Variants in CNNM4 observed in about 807,000 individuals in gnomAD.
CNNM4 encodes the protein cyclin and CBS domain divalent metal cation transport mediator 4.
CNNM4 carries 32 observed loss-of-function variants against 53.7 expected under a neutral mutation model. The observed-to-expected ratio is 0.60, with a 90% CI of 0.45 to 0.80. The LOEUF (loss-of-function observed/expected upper bound fraction) is 0.80. CNNM4 is among the 30% of genes least tolerant of loss of function. The pLI is 0.00. For synonymous variants in CNNM4, 410 were observed against 440.0 expected (o/e 0.93, Z 0.85); for missense variants, 784 against 1,022.0 (o/e 0.77, Z 3.17).
chr2:96,775,270 G>A (rs76931158), intron 1 of CNNM4, among the ~76,000 whole-genome samples: 1 of 151,932 alleles, frequency 6.6e-6, no homozygotes, highest in South Asian at 2.1e-4. Flanking sequence ...AGTCATTGTG[G>A]GTCAAAGTTT....
At chr2:96,774,960 C>CAAAAAAAAAAAAAAAAA in intron 1 of CNNM4, among the ~76,000 whole-genome samples, 1 of 17,668 alleles carries the variant, frequency 5.7e-5, no homozygotes, top group Non-Finnish European at 1.2e-4. Context: ...GACTCCATCT[C>CAAAAAAAAAAAAAAAAA]AAAAAAAAAA....
In CNNM4 at chr2:96,800,821, C is replaced by A. The variant is rs1463176699; in HGVS notation, c.1948+1173C>A. Among the ~76,000 whole-genome samples the A allele has an allele frequency of 6.6e-6, 1 of 152,258 alleles. No individual in the cohort carries two copies. Among genetic ancestry groups the A allele is most frequent in the African/African-American group, 2.4e-5 (1 of 41,476 alleles). ...CTCTGTCCGTTGACCCATAGTCTCT[C>A]TGTTCCCACTTGGTGTGGCCAGAAG... On this transcript the variant is annotated intron_variant, in intron 5 of 6. Transcript: ENST00000377075. This position sits in a 1 kb window ranked among gnomAD's most constrained non-coding sequence, Gnocchi z 4.6.
intron 1 of CNNM4, among the ~76,000 whole-genome samples, chr2:96,784,040 C>T (rs1407224671): frequency 6.6e-6 from 1 of 152,170 alleles, no homozygotes; most frequent in Non-Finnish European, 1.5e-5. Context: ...TCTTAGTTTT[C>T]TTCCTTCCAC....
At chr2:96,782,205 C>G (rs2078981034) in intron 1 of CNNM4, among the ~76,000 whole-genome samples, 1 of 152,036 alleles carries the variant, frequency 6.6e-6, no homozygotes, top group Non-Finnish European at 1.5e-5. Flanking sequence ...CTTTGGGAGG[C>G]TGAGACGAAT....
In CNNM4 at chr2:96,801,335, G is replaced by C. The variant is rs1025582454; in HGVS notation, c.1948+1687G>C. 3.3e-5 allele frequency among the ~76,000 whole-genome samples: 5 copies of C among 152,204 alleles called. No homozygotes were observed. The highest frequency in any genetic ancestry group is 5.9e-5 in the Non-Finnish European group (4 of 68,008). ...TAGAAGGGGCCCCCAAAGATCTCTT[G>C]GTGCTTGAGATCACACACTCATAGA... On this transcript the variant is annotated intron_variant, in intron 5 of 6. Coordinates refer to ENST00000377075, the MANE Select transcript of CNNM4 (RefSeq NM_020184.4). This position sits in a 1 kb window ranked among gnomAD's most constrained non-coding sequence, Gnocchi z 5.6.
At chr2:96,786,888 C>T (rs2079021141) in intron 1 of CNNM4, among the ~76,000 whole-genome samples, 1 of 151,814 alleles carries the variant, frequency 6.6e-6, no homozygotes. Flanking sequence ...ATTGCTTCTC[C>T]CCCAATATGA....
chr2:96,784,955 G>A (rs779639913), intron 1 of CNNM4, among the ~76,000 whole-genome samples: 1 of 152,180 alleles, frequency 6.6e-6, no homozygotes, highest in Non-Finnish European at 1.5e-5. Flanking sequence ...TTGGCTCACT[G>A]CAACCTCTGC....
In CNNM4 at chr2:96,779,737, A is replaced by C. The variant is rs191342986; in HGVS notation, c.1403-17275A>C. Among the ~76,000 whole-genome samples, 4 of 151,890 alleles carry C rather than the reference A, an allele frequency of 2.6e-5. No homozygotes were observed. In the East Asian group the frequency reaches 7.7e-4, roughly 29 times the overall value. ...TTTGTTCTTCAAGATTGTCTTAGCT[A>C]TTCTTAGCTTTTTACCTGGGAATTT... On this transcript the variant is annotated intron_variant, in intron 1 of 6. Coordinates refer to ENST00000377075, the MANE Select transcript of CNNM4 (RefSeq NM_020184.4).
intron 1 of CNNM4, among the ~76,000 whole-genome samples, chr2:96,796,635 C>T (rs1162192425): frequency 6.6e-6 from 1 of 152,052 alleles, no homozygotes; most frequent in East Asian, 1.9e-4. Context: ...GTGGAGCACA[C>T]CTGTGGTCTC....
At chr2:96,785,237 C>CT (rs143072300) in intron 1 of CNNM4, among the ~76,000 whole-genome samples, 6 of 151,410 alleles carry the variant, frequency 4.0e-5, no homozygotes, top group East Asian at 1.9e-4. Context: ...ATTTTAAAAC[C>CT]TTTTTTTTTC....
rs1200627793 is a variant in CNNM4 at position 96,809,520 on chromosome 2, G to C, written c.*3G>C. ...CCTCCCACGAGAATGCCATCTGACA[G>C]GAGGGCCCGGGGCCCCCTGCCCACC... On this transcript the variant is annotated 3_prime_UTR_variant, in exon 7 of 7. Coordinates refer to ENST00000377075, the MANE Select transcript of CNNM4 (RefSeq NM_020184.4). The C allele has an allele frequency of 2.5e-6, 4 of 1,613,990 alleles. No individual in the cohort carries two copies. In the African/African-American group the frequency reaches 5.3e-5, roughly 22 times the overall value.
intron 1 of CNNM4, among the ~76,000 whole-genome samples, chr2:96,772,729 G>GCA (rs367885553): frequency 1.1e-3 from 73 of 63,526 alleles, no homozygotes; most frequent in South Asian, 1.6e-3. Flanking sequence ...ACACATGCGT[G>GCA]CACACACACA....
chr2:96,793,891 G>T (rs879794740), intron 1 of CNNM4, among the ~76,000 whole-genome samples: 3 of 152,138 alleles, frequency 2.0e-5, no homozygotes, highest in Admixed American at 6.5e-5. Flanking sequence ...GGAGGTGAAG[G>T]TTGCAGTGAG....
rs138520397 is a variant in CNNM4 at position 96,761,324 on chromosome 2, C to T, written c.325C>T (p.Leu109Phe). The change falls in exon 1 of 7, where the codon CTC becomes TTC. Residue 109 changes from leucine (L) to phenylalanine (F), a missense_variant. By Grantham distance (22) the Leu-to-Phe change is conservative (BLOSUM62 0). Around this residue, in one of 3 missense-constraint regions of CNNM4, gnomAD observed 473 missense variants for 624.6 expected, o/e 0.76. Coordinates refer to ENST00000377075, the MANE Select transcript of CNNM4 (RefSeq NM_020184.4). This position sits in a 1 kb window ranked among gnomAD's most constrained non-coding sequence, Gnocchi z 6.0. ...AETLHKSTSC[L>F]ELTKDLVVQQ... Reference sequence around the variant, plus strand: ...GACCCTCCACAAGTCCACCAGCTGCCTCGAGCTCACCAAGGACCTGGTCGT... The same window carrying T: ...GACCCTCCACAAGTCCACCAGCTGCTTCGAGCTCACCAAGGACCTGGTCGT... 2.4e-5 allele frequency: 38 copies of T among 1,614,086 alleles called. No individual in the cohort carries two copies. The highest frequency in any genetic ancestry group is 1.3e-4 in the African/African-American group (10 of 75,074).
At chr2:96,779,965 G>T (rs1179576064) in intron 1 of CNNM4, among the ~76,000 whole-genome samples, 1 of 152,016 alleles carries the variant, frequency 6.6e-6, no homozygotes, top group Non-Finnish European at 1.5e-5. Context: ...ACCACACCCA[G>T]CTAATTTTTG....
Position 96,761,737 on chromosome 2 carries a change from G to A in CNNM4, c.738G>A (p.Leu246=), listed in dbSNP as rs1199250960. The change falls in exon 1 of 7, where the codon TTG becomes TTA. Residue 246 remains leucine, a synonymous_variant. Coordinates refer to ENST00000377075, the MANE Select transcript of CNNM4 (RefSeq NM_020184.4). The surrounding 1 kb of genome is among the most constrained non-coding windows in gnomAD (Gnocchi z 6.0). ...RRKGNYLLCS[L]LLGNVLVNTS... ...AGGGCAACTACCTTCTCTGCTCGTTGCTCCTAGGGAACGTGCTGGTCAACA... is the reference window on the plus strand; with the variant it reads ...AGGGCAACTACCTTCTCTGCTCGTTACTCCTAGGGAACGTGCTGGTCAACA... 2.5e-6 allele frequency: 4 copies of A among 1,610,052 alleles called. No homozygotes were observed. The highest frequency in any genetic ancestry group is 3.4e-6 in the Non-Finnish European group (4 of 1,179,984).
intron 1 of CNNM4, among the ~76,000 whole-genome samples, chr2:96,793,690 G>A (rs2079080697): frequency 6.6e-6 from 1 of 152,220 alleles, no homozygotes; most frequent in Admixed American, 6.5e-5. Flanking sequence ...CAGGCCGGGC[G>A]CGGTGGCTGA....
rs369862845 is a variant in CNNM4 at position 96,761,241 on chromosome 2, A to G, written c.242A>G (p.Tyr81Cys). 18 of 1,614,012 alleles carry G rather than the reference A, an allele frequency of 1.1e-5. No homozygotes were observed. In the African/African-American group the frequency reaches 2.0e-4, roughly 18 times the overall value. The change falls in exon 1 of 7, where the codon TAC (tyrosine) becomes TGC (cysteine). Residue 81 changes from tyrosine to cysteine, a missense_variant. Physicochemically the swap from Tyr to Cys is radical, Grantham distance 194. Around this residue, in one of 3 missense-constraint regions of CNNM4, gnomAD observed 473 missense variants for 624.6 expected, o/e 0.76. Coordinates refer to ENST00000377075, the MANE Select transcript of CNNM4 (RefSeq NM_020184.4). This position sits in a 1 kb window ranked among gnomAD's most constrained non-coding sequence, Gnocchi z 6.0. ...GSTVNLRLYGYSLGNISSNLI... is the reference protein window; with the variant it reads ...GSTVNLRLYGCSLGNISSNLI... ...ACCGTGAACCTGAGGCTGTACGGCT[A>G]CAGCCTGGGCAACATCTCCAGCAAC...
rs371531802 is a variant in CNNM4, at chr2:96,770,430, G to T, written c.1402+8029G>T. Among the ~76,000 whole-genome samples the T allele has an allele frequency of 1.6e-4, 25 of 152,314 alleles. 2 individuals are homozygous for T. The highest frequency in any genetic ancestry group is 6.5e-4 in the Admixed American group (10 of 15,290). Reference sequence around the variant, plus strand: ...TGGGAAGGGGAGGCCTGTCTCGTAAGTAAAAGTCTGGGAAGACATTTCAGC... The same window carrying T: ...TGGGAAGGGGAGGCCTGTCTCGTAATTAAAAGTCTGGGAAGACATTTCAGC... On this transcript the variant is annotated intron_variant, in intron 1 of 6. Coordinates refer to ENST00000377075, the MANE Select transcript of CNNM4 (RefSeq NM_020184.4).
Sources: gnomAD v4.1 joint callset for allele counts (sites outside exome capture counted in the v4.1 genomes callset) on GRCh38, gnomAD v4.1.1 for gene constraint, gnomAD v4.1.1 regional missense constraint, Gnocchi (gnomAD v3.1) non-coding constraint, MANE v1.5 for transcripts, NCBI Gene and HGNC (gene_info 2026-07-23, HGNC 2026-07-21) for gene names.